The following DGKD variants were observed in gnomAD, a reference collection of about 807,000 sequenced individuals.
DGKD encodes the protein DAG kinase delta.
DGKD carries 68 observed loss-of-function variants against 154.4 expected under a neutral mutation model. That is an observed-to-expected ratio of 0.44 (90% CI 0.36 to 0.54). The LOEUF (loss-of-function observed/expected upper bound fraction) is 0.54. DGKD is among the 20% of genes least tolerant of loss of function. DGKD has a pLI of 0.00. For synonymous variants in DGKD, 693 were observed against 638.0 expected, an observed-to-expected ratio of 1.09 and a Z score of -1.30; for missense variants, 1,343 against 1,593.6, an observed-to-expected ratio of 0.84 and a Z score of 2.68.
At chr2:233,443,496 G>A (rs994723242) in intron 10 of DGKD, among the ~76,000 whole-genome samples, 2 of 151,964 alleles carry the variant, frequency 1.3e-5, no homozygotes, top group Non-Finnish European at 2.9e-5. Context: ...TTTTGTCAAC[G>A]TCTGTCATAT....
chr2:233,448,363 C>A lies in DGKD; in HGVS notation c.1602C>A (p.Val534=). 1 of 1,613,954 alleles carries A rather than the reference C, an allele frequency of 6.2e-7. No homozygotes were observed. The highest frequency in any genetic ancestry group is 8.5e-7 in the Non-Finnish European group (1 of 1,179,974). ...KTTESSEESE[V]MAKKCSVLKE... ...CCGAGAGCTCGGAGGAGTCAGAGGT[C>A]ATGGCCAAGAAGGTCTGTTCCCGTG... The change falls in exon 14 of 30, where the codon GTC becomes GTA. Residue 534 remains valine, a synonymous_variant. Coordinates refer to ENST00000264057, the MANE Select transcript of DGKD (RefSeq NM_152879.3).
rs574544426 is a variant in DGKD, at chr2:233,460,191, T to C, written c.2830-3T>C. 1 of 1,613,724 alleles carries C rather than the reference T, an allele frequency of 6.2e-7. No individual in the cohort carries two copies. The highest frequency in any genetic ancestry group is 1.1e-5 in the South Asian group (1 of 91,072). Reference sequence around the variant, plus strand: ...AGGTGTAATTGGGCTTTCGGGTCCATAGGCATTTGAGAGCACCCTGAAGTC... The same window carrying C: ...AGGTGTAATTGGGCTTTCGGGTCCACAGGCATTTGAGAGCACCCTGAAGTC... On this transcript the variant is annotated splice_polypyrimidine_tract_variant and splice_region_variant and intron_variant, in intron 23 of 29. Transcript: ENST00000264057.
chr2:233,430,616 T>G (rs754996057), intron 3 of DGKD, among the ~76,000 whole-genome samples: 1 of 152,222 alleles, frequency 6.6e-6, no homozygotes, highest in Non-Finnish European at 1.5e-5. Context: ...ATATAAAAGC[T>G]AGATTTCTAA....
rs1314463063 is a variant in DGKD at position 233,459,448 on chromosome 2, T to C, written c.2695-309T>C. ...CACGTGGCAGGGGCCCAGTGGCTTC[T>C]GGGAGCTACAACACCCCTGCCCCTG... On this transcript the variant is annotated intron_variant, in intron 22 of 29. Transcript: ENST00000264057. This position sits in a 1 kb window ranked among gnomAD's most constrained non-coding sequence, Gnocchi z 5.7. Among the ~76,000 whole-genome samples the C allele has an allele frequency of 6.7e-6, 1 of 148,982 alleles. No individual in the cohort carries two copies. The highest frequency in any genetic ancestry group is 2.5e-5 in the African/African-American group (1 of 40,744).
Position 233,418,505 on chromosome 2 carries a change from T to C in DGKD, c.349-15875T>C, listed in dbSNP as rs576232253. ...ATTTTTAAGTAGAACTTTCACTTTT[T>C]GCTTCATTTTACTTTATGGGTTTCT... On this transcript the variant is annotated intron_variant, in intron 3 of 29. Transcript: ENST00000264057. Among the ~76,000 whole-genome samples, 10 of 152,394 alleles carry C rather than the reference T, an allele frequency of 6.6e-5. 1 individual carries two copies. The South Asian group carries it at 2.1e-3, about 32-fold the overall frequency.
Position 233,423,599 on chromosome 2 carries a change from G to A in DGKD, c.349-10781G>A, listed in dbSNP as rs151315234. 3.9e-3 allele frequency among the ~76,000 whole-genome samples: 592 copies of A among 152,252 alleles called. 4 individuals are homozygous for A. Among genetic ancestry groups the A allele is most frequent in the African/African-American group, 0.014 (564 of 41,516 alleles). On this transcript the variant is annotated intron_variant, in intron 3 of 29. Transcript: ENST00000264057. ...TTCCAGGTGGTATAGGAGACATCCC[G>A]GCTCTCAGCTTGGCCTCCTCTGGAT...
chr2:233,407,524 G>C (rs1385979126), intron 3 of DGKD, among the ~76,000 whole-genome samples: 1 of 152,170 alleles, frequency 6.6e-6, no homozygotes, highest in Non-Finnish European at 1.5e-5. Flanking sequence ...CCAGCATTTT[G>C]GGAGACCAAG....
chr2:233,452,408 T>TTCGTGGTCACTCTCCCATGAC lies in DGKD; in HGVS notation c.2264+348_2264+349insTCGTGGTCACTCTCCCATGAC, dbSNP rs2063324583. 6.6e-6 allele frequency among the ~76,000 whole-genome samples: 1 copy of TTCGTGGTCACTCTCCCATGAC among 152,124 alleles called. No individual in the cohort carries two copies. The highest frequency in any genetic ancestry group is 6.5e-5 in the Admixed American group (1 of 15,286). ...GCTCTTCGTGGTCACTCTCCCATGA[T>TTCGTGGTCACTCTCCCATGAC]CTTGGCTGGACCTCACTGACTTCTG... On this transcript the variant is annotated intron_variant, in intron 18 of 29. Coordinates refer to ENST00000264057, the MANE Select transcript of DGKD (RefSeq NM_152879.3). This position sits in a 1 kb window ranked among gnomAD's most constrained non-coding sequence, Gnocchi z 4.0.
At chr2:233,389,041 C>T (rs1349925875) in intron 2 of DGKD, 1 of 152,318 alleles carries the variant, frequency 6.6e-6, no homozygotes, top group Non-Finnish European at 1.5e-5. Flanking sequence ...GCCACCGTGC[C>T]CGGCCTAGAG....
rs1291620080 is a variant in DGKD at position 233,449,361 on chromosome 2, G to C, written c.1873G>C (p.Glu625Gln). The C allele has an allele frequency of 6.3e-7, 1 of 1,597,002 alleles. No individual in the cohort carries two copies. Among genetic ancestry groups the C allele is most frequent in the Non-Finnish European group, 8.6e-7 (1 of 1,165,860 alleles). Residue 625 changes from glutamate (E) to glutamine (Q), a missense_variant, in exon 15 of 30, where the codon GAA becomes CAA. This residue lies in a region of DGKD where 409 missense variants were observed against 446.0 expected (regional missense o/e 0.92). Coordinates refer to ENST00000264057, the MANE Select transcript of DGKD (RefSeq NM_152879.3). This position sits in a 1 kb window ranked among gnomAD's most constrained non-coding sequence, Gnocchi z 5.3. ...GAAGAAAGCAATTCGTCAGATCATA[G>C]AACACACAGAAAAAGGTAACTGGCC... Reference protein sequence around the residue: ...SLKKAIRQIIEHTEKAVDEQN... With the variant: ...SLKKAIRQIIQHTEKAVDEQN...
chr2:233,462,663 C>T lies in DGKD; in HGVS notation c.3114C>T (p.Val1038=), dbSNP rs750457087. 2.5e-6 allele frequency: 4 copies of T among 1,614,050 alleles called. No homozygotes were observed. In the African/African-American group the frequency reaches 5.3e-5, roughly 22 times the overall value. ...RTTEGLNCSF[V]LEMVNNFRAL... is the part of the protein sequence containing the mutation. ...TCTAGGGGCTCAACTGCAGCTTCGTCCTGGAAATGGTGAATAACTTCAGAG... is the reference window on the plus strand; with the variant it reads ...TCTAGGGGCTCAACTGCAGCTTCGTTCTGGAAATGGTGAATAACTTCAGAG... Residue 1038 remains valine, a synonymous_variant, in exon 26 of 30, where the codon GTC becomes GTT. Transcript: ENST00000264057.
chr2:233,368,002 A>G (rs1219551871), intron 1 of DGKD, among the ~76,000 whole-genome samples: 1 of 151,680 alleles, frequency 6.6e-6, no homozygotes, highest in African/African-American at 2.4e-5. Flanking sequence ...AGATCTTTTC[A>G]TTGGAGATGT....
At chr2:233,444,659 C>T (rs976739144) in intron 10 of DGKD, among the ~76,000 whole-genome samples, 1 of 146,612 alleles carries the variant, frequency 6.8e-6, no homozygotes, top group East Asian at 2.0e-4. Context: ...TCTAGTGTGT[C>T]GGCTCCGGTG....
intron 3 of DGKD, among the ~76,000 whole-genome samples, chr2:233,403,276 T>C (rs1470996098): frequency 1.3e-5 from 2 of 152,062 alleles, no homozygotes; most frequent in African/African-American, 2.4e-5. Flanking sequence ...AGGGAGAAAA[T>C]GGGCTGGGTG....
intron 1 of DGKD, among the ~76,000 whole-genome samples, chr2:233,375,034 A>G (rs984638850): frequency 6.6e-6 from 1 of 152,176 alleles, no homozygotes; most frequent in Non-Finnish European, 1.5e-5. Flanking sequence ...TCATGCCTGT[A>G]ATCCCAGCAC....
In DGKD at chr2:233,458,355, C is replaced by A; in HGVS notation, c.2652C>A (p.Ala884=). 1.9e-6 allele frequency: 3 copies of A among 1,611,902 alleles called. No individual in the cohort carries two copies. Among genetic ancestry groups the A allele is most frequent in the South Asian group, 1.1e-5 (1 of 91,050 alleles). The change falls in exon 22 of 30, where the codon GCC becomes GCA. Residue 884 remains alanine, a synonymous_variant. Coordinates refer to ENST00000264057, the MANE Select transcript of DGKD (RefSeq NM_152879.3). The surrounding 1 kb of genome is among the most constrained non-coding windows in gnomAD (Gnocchi z 6.6). The stretch of plus-strand genomic sequence containing the variant: ...CCGTGTTCGGCAGCATGCAGATGGC[C>A]GTCTCTCGAGTCATCAGGCTACAGC... ...VVAVFGSMQM[A]VSRVIRLQHH...
At chr2:233,375,346 C>T (rs955498458) in intron 1 of DGKD, among the ~76,000 whole-genome samples, 4 of 151,616 alleles carry the variant, frequency 2.6e-5, no homozygotes, top group African/African-American at 4.8e-5. Flanking sequence ...GATGTTATCT[C>T]GGCATGTGAA....
chr2:233,367,560 A>G (rs983221730), intron 1 of DGKD, among the ~76,000 whole-genome samples: 2 of 151,958 alleles, frequency 1.3e-5, no homozygotes, highest in Admixed American at 1.3e-4. Context: ...AAAAACCTCC[A>G]TTACTTTTGT....
chr2:233,442,944 A>T (rs973200679), intron 10 of DGKD, among the ~76,000 whole-genome samples: 18 of 151,846 alleles, frequency 1.2e-4, no homozygotes, highest in Non-Finnish European at 5.9e-5. Flanking sequence ...GATGTTGCAG[A>T]CACCTTGTGC....
Sources: allele counts gnomAD v4.1 joint callset (sites outside exome capture counted in the v4.1 genomes callset), GRCh38; gene constraint gnomAD v4.1.1; regional missense constraint gnomAD v4.1.1; non-coding constraint Gnocchi (gnomAD v3.1); transcripts MANE v1.5; gene names NCBI Gene and HGNC (gene_info 2026-07-23, HGNC 2026-07-21).